Variants in MAP4 observed in about 807,000 individuals in gnomAD.
The protein encoded by MAP4 is microtubule-associated protein 4.
In MAP4, 76 loss-of-function variants were observed where a neutral mutation model predicts 170.2. The ratio of observed to expected loss-of-function variants is 0.45; its 90% CI spans 0.37 to 0.54. MAP4 has a LOEUF of 0.54. MAP4 is among the 20% of genes least tolerant of loss of function. The pLI, the probability that MAP4 is intolerant of heterozygous loss-of-function variation, is 0.00. For synonymous variants in MAP4, 909 were observed against 994.5 expected (o/e 0.91, Z 1.62); for missense variants, 2,506 against 2,748.0 (o/e 0.91, Z 1.97).
At chr3:47,924,959 C>T (rs6783629) in intron 4 of MAP4, among the ~76,000 whole-genome samples, 54,953 of 151,740 alleles carry the variant, frequency 0.36, 10,751 homozygotes, top group African/African-American at 0.51. Flanking sequence ...TACAGGCATC[C>T]GCCACCACAC....
intron 1 of MAP4, among the ~76,000 whole-genome samples, chr3:48,046,672 A>C (rs879105538): frequency 6.6e-6 from 1 of 152,222 alleles, no homozygotes. Flanking sequence ...GCCCCCAGCT[A>C]GTATAATGGT....
chr3:48,086,583 G>A (rs1394390267), intron 1 of MAP4, among the ~76,000 whole-genome samples: 1 of 152,180 alleles, frequency 6.6e-6, no homozygotes, highest in African/African-American at 2.4e-5. Flanking sequence ...AGTCTGCAGT[G>A]AGCCGAGATC....
At chr3:48,049,798 C>T (rs2100126622) in intron 1 of MAP4, among the ~76,000 whole-genome samples, 1 of 151,022 alleles carries the variant, frequency 6.6e-6, no homozygotes, top group Non-Finnish European at 1.5e-5. Context: ...AATAGCTGGG[C>T]ATGGTGGCGC....
intron 1 of MAP4, among the ~76,000 whole-genome samples, chr3:48,045,145 C>T (rs2100123746): frequency 6.7e-6 from 1 of 150,278 alleles, no homozygotes; most frequent in African/African-American, 2.5e-5. Context: ...ATAATCCCAG[C>T]TGCTAGGGAG....
intron 3 of MAP4, among the ~76,000 whole-genome samples, chr3:47,952,586 C>G (rs1272844123): frequency 1.3e-5 from 2 of 151,598 alleles, no homozygotes; most frequent in Non-Finnish European, 2.9e-5. Flanking sequence ...ATGACCTTAC[C>G]CCCAACCCTG....
intron 17 of MAP4, 91 bp downstream of exon 17, chr3:47,867,155 G>T: frequency 1.1e-6 from 1 of 870,734 alleles, no homozygotes. Flanking sequence ...AGGTCACTGG[G>T]ATTCTATCTA....
intron 11 of MAP4, among the ~76,000 whole-genome samples, chr3:47,876,156 T>TG (rs2095371998): frequency 1.3e-5 from 2 of 148,204 alleles, no homozygotes; most frequent in African/African-American, 5.0e-5. Context: ...TTTTTTGAGA[T>TG]GGAGTCTCTC....
intron 3 of MAP4, among the ~76,000 whole-genome samples, chr3:47,944,116 C>T (rs2100058222): frequency 6.6e-6 from 1 of 151,848 alleles, no homozygotes; most frequent in African/African-American, 2.4e-5. Flanking sequence ...TCAAGAACAG[C>T]CTGATCAACA....
At chr3:47,942,713 T>C (rs1208273986) in intron 3 of MAP4, among the ~76,000 whole-genome samples, 1 of 152,258 alleles carries the variant, frequency 6.6e-6, no homozygotes, top group African/African-American at 2.4e-5. Context: ...TTCATATACA[T>C]ACATATCTTA....
chr3:47,877,702 T>C (rs2095803400), intron 10 of MAP4, 179 bp from the exon 11 acceptor site: 4 of 497,052 alleles, frequency 8.0e-6, no homozygotes, highest in African/African-American at 7.8e-5. Flanking sequence ...TGGAGGACAG[T>C]TTTAGATTCC....
chr3:47,993,337 A>G (rs1048398771), intron 2 of MAP4, among the ~76,000 whole-genome samples: 2 of 152,180 alleles, frequency 1.3e-5, no homozygotes, highest in Non-Finnish European at 2.9e-5. Flanking sequence ...TCTGTCTCAA[A>G]AAAAGAAAAA....
At chr3:47,988,449 G>T (rs1456747152) in intron 2 of MAP4, among the ~76,000 whole-genome samples, 1 of 152,012 alleles carries the variant, frequency 6.6e-6, no homozygotes, top group Non-Finnish European at 1.5e-5. Context: ...TAGGTGAGGA[G>T]GAAATATGTG....
intron 2 of MAP4, 58 bp from the exon 3 acceptor site, chr3:47,977,991 C>A: frequency 9.3e-7 from 1 of 1,073,132 alleles, no homozygotes; most frequent in South Asian, 1.3e-5. Context: ...AAAACAGATC[C>A]AACCACTGTC....
chr3:47,903,670 G>A (rs1409141920), intron 9 of MAP4, among the ~76,000 whole-genome samples: 2 of 152,192 alleles, frequency 1.3e-5, no homozygotes, highest in African/African-American at 4.8e-5. Flanking sequence ...AAATTTGACA[G>A]CAGCATGAAA....
At chr3:48,087,845 G>A (rs1427339564) in intron 1 of MAP4, among the ~76,000 whole-genome samples, 1 of 152,018 alleles carries the variant, frequency 6.6e-6, no homozygotes, top group African/African-American at 2.4e-5. Context: ...GAGCAATACT[G>A]TAACAGGACC....
intron 1 of MAP4, among the ~76,000 whole-genome samples, chr3:48,079,235 T>C (rs958633437): frequency 6.6e-6 from 1 of 151,956 alleles, no homozygotes; most frequent in African/African-American, 2.4e-5. Flanking sequence ...AAGGAAATGC[T>C]CACTAGAGAG....
intron 2 of MAP4, among the ~76,000 whole-genome samples, chr3:47,992,408 T>A (rs891135221): frequency 1.2e-4 from 18 of 152,128 alleles, no homozygotes; most frequent in Admixed American, 7.2e-4. Context: ...TTACAACCTA[T>A]CATAATTATA....
At chr3:47,927,765 G>A (rs956139957) in intron 4 of MAP4, among the ~76,000 whole-genome samples, 5 of 152,084 alleles carry the variant, frequency 3.3e-5, no homozygotes, top group Non-Finnish European at 5.9e-5. Context: ...ATAACCCACC[G>A]CACCTGGTCT....
chr3:47,935,551 C>T (rs1057481833), intron 3 of MAP4, among the ~76,000 whole-genome samples: 1 of 152,100 alleles, frequency 6.6e-6, no homozygotes, highest in Non-Finnish European at 1.5e-5. Flanking sequence ...TTGCTTTCCC[C>T]ACCGAAGAAG....
Sources: gnomAD v4.1 joint callset for allele counts (sites outside exome capture counted in the v4.1 genomes callset) on GRCh38, gnomAD v4.1.1 for gene constraint, MANE v1.5 for transcripts, NCBI Gene and HGNC (gene_info 2026-07-23, HGNC 2026-07-21) for gene names.